CSMD3: variants seen among roughly 807,000 people sequenced by gnomAD.
CSMD3 encodes the protein CUB and Sushi multiple domains 3, also known as CUB and sushi domain-containing protein 3.
In CSMD3, 177 loss-of-function variants were observed where a neutral mutation model predicts 435.2. The ratio of observed to expected loss-of-function variants is 0.41; its 90% CI spans 0.36 to 0.46. The LOEUF is 0.46. Among genes scored for constraint, CSMD3 ranks in the 20% least tolerant of loss-of-function variants. CSMD3 has a pLI of 0.34. For missense variants in CSMD3, 4,265 were observed against 4,504.6 expected (o/e 0.95, Z 1.52); for synonymous variants, 1,656 against 1,520.5 (o/e 1.09, Z -2.07).
intron 2 of CSMD3, among the ~76,000 whole-genome samples, chr8:113,308,508 T>G (rs113225987): frequency 0.1 from 15,823 of 152,132 alleles, 958 homozygotes; most frequent in Middle Eastern, 0.17. Flanking sequence ...AACCTCGTGA[T>G]CCGCCTGCCT....
intron 32 of CSMD3, among the ~76,000 whole-genome samples, chr8:112,469,724 T>C (rs1818334138): frequency 6.6e-6 from 1 of 152,110 alleles, no homozygotes; most frequent in South Asian, 2.1e-4. Context: ...GCCACTCACT[T>C]CCTGCTGTGC....
chr8:112,446,059 AT>A, intron 32 of CSMD3, among the ~76,000 whole-genome samples: 1 of 152,272 alleles, frequency 6.6e-6, no homozygotes, highest in Middle Eastern at 3.4e-3. Context: ...TATTTTCTAT[AT>A]TTTATTCTTG....
At chr8:112,736,045 A>G (rs1000950395) in intron 13 of CSMD3, among the ~76,000 whole-genome samples, 1 of 152,062 alleles carries the variant, frequency 6.6e-6, no homozygotes, top group African/African-American at 2.4e-5. Flanking sequence ...TGTTTAAATT[A>G]TACTTTAGGA....
At chr8:112,853,045 A>G (rs1295776314) in intron 11 of CSMD3, among the ~76,000 whole-genome samples, 1 of 152,178 alleles carries the variant, frequency 6.6e-6, no homozygotes, top group African/African-American at 2.4e-5. Context: ...GTTCAAATAT[A>G]CTTGAGACAC....
intron 2 of CSMD3, among the ~76,000 whole-genome samples, chr8:113,292,289 C>T (rs535835048): frequency 1.4e-4 from 21 of 151,616 alleles, no homozygotes; most frequent in South Asian, 1.3e-3. Context: ...TATTGGCAAG[C>T]ATAATATTAA....
intron 22 of CSMD3, among the ~76,000 whole-genome samples, chr8:112,605,908 C>T (rs1423317065): frequency 1.3e-5 from 2 of 152,050 alleles, no homozygotes; most frequent in African/African-American, 2.4e-5. Context: ...ATCTGTCAAT[C>T]CTGCCCTTCA....
chr8:112,877,373 C>T (rs964970823), intron 10 of CSMD3, among the ~76,000 whole-genome samples: 5 of 151,746 alleles, frequency 3.3e-5, no homozygotes, highest in Admixed American at 1.3e-4. Context: ...TCAAGTGATT[C>T]TCTAGACTCA....
intron 24 of CSMD3, among the ~76,000 whole-genome samples, chr8:112,570,536 A>G (rs981041386): frequency 8.5e-5 from 13 of 152,342 alleles, no homozygotes; most frequent in Admixed American, 5.9e-4. Flanking sequence ...CAAAATAGAA[A>G]GTAGCCTGGG....
intron 12 of CSMD3, among the ~76,000 whole-genome samples, chr8:112,828,726 G>A (rs1388295997): frequency 6.6e-6 from 1 of 152,096 alleles, no homozygotes; most frequent in Non-Finnish European, 1.5e-5. Context: ...TCACACCTTA[G>A]GAAACACAAA....
intron 10 of CSMD3, among the ~76,000 whole-genome samples, chr8:112,869,263 A>G (rs1437306108): frequency 5.9e-4 from 90 of 152,334 alleles, no homozygotes; most frequent in Non-Finnish European, 1.3e-4. Flanking sequence ...TGGTTGAATG[A>G]GAGGATTAGA....
At chr8:112,539,299 A>C (rs913457119) in intron 27 of CSMD3, 2 of 152,432 alleles carry the variant, frequency 1.3e-5, no homozygotes, top group Non-Finnish European at 2.9e-5. Flanking sequence ...GCATGCCAGA[A>C]TAGTCTGGTG....
At chr8:112,539,721 C>T (rs916308231) in intron 27 of CSMD3, among the ~76,000 whole-genome samples, 1 of 151,920 alleles carries the variant, frequency 6.6e-6, no homozygotes, top group Non-Finnish European at 1.5e-5. Context: ...AAAACTAGAC[C>T]CCTATCTCTC....
At chr8:112,915,142 T>C (rs551738406) in intron 10 of CSMD3, among the ~76,000 whole-genome samples, 162 of 152,068 alleles carry the variant, frequency 1.1e-3, no homozygotes, top group African/African-American at 3.6e-3. Flanking sequence ...TTTCCTTTTA[T>C]ATAGGTAGCT....
At chr8:112,774,281 A>C (rs1013466480) in intron 13 of CSMD3, among the ~76,000 whole-genome samples, 1 of 151,986 alleles carries the variant, frequency 6.6e-6, no homozygotes, top group Non-Finnish European at 1.5e-5. Flanking sequence ...AAATCTATCA[A>C]AATTTATATT....
intron 59 of CSMD3, among the ~76,000 whole-genome samples, chr8:112,279,954 C>T (rs1413530658): frequency 2.0e-5 from 3 of 151,986 alleles, no homozygotes; most frequent in South Asian, 2.1e-4. Flanking sequence ...ACTTTGCATG[C>T]AATATATTAA....
At chr8:112,617,272 G>A (rs931746197) in intron 22 of CSMD3, among the ~76,000 whole-genome samples, 23 of 152,126 alleles carry the variant, frequency 1.5e-4, no homozygotes, top group African/African-American at 5.1e-4. Flanking sequence ...AACACAAAGA[G>A]AAAAGAATAT....
chr8:113,402,986 G>C (rs2094516720), intron 1 of CSMD3, among the ~76,000 whole-genome samples: 1 of 151,178 alleles, frequency 6.6e-6, no homozygotes, highest in African/African-American at 2.4e-5. Flanking sequence ...ACAGAATAGA[G>C]TAACTGTCCA....
intron 3 of CSMD3, among the ~76,000 whole-genome samples, chr8:113,195,387 G>A (rs2092639699): frequency 6.6e-6 from 1 of 150,662 alleles, no homozygotes; most frequent in Non-Finnish European, 1.5e-5. Flanking sequence ...TTGAAACTGA[G>A]CCTTCAAATG....
intron 10 of CSMD3, among the ~76,000 whole-genome samples, chr8:112,867,767 G>A (rs1034861597): frequency 1.3e-5 from 2 of 152,244 alleles, no homozygotes; most frequent in East Asian, 1.9e-4. Context: ...GAGTTTGCAG[G>A]ATTGGAAGTT....
Sources: allele counts gnomAD v4.1 joint callset (sites outside exome capture counted in the v4.1 genomes callset), GRCh38; gene constraint gnomAD v4.1.1; transcripts MANE v1.5; gene names NCBI Gene and HGNC (gene_info 2026-07-23, HGNC 2026-07-21).